Variants in STXBP5L observed in about 807,000 individuals in gnomAD.
STXBP5L encodes syntaxin binding protein 5L.
A neutral mutation model predicts 144.5 loss-of-function variants in STXBP5L; 65 were observed. The ratio of observed to expected loss-of-function variants is 0.45; its 90% CI spans 0.37 to 0.55. The LOEUF (loss-of-function observed/expected upper bound fraction) is 0.55, where lower values mean the gene tolerates loss of function less well. STXBP5L is among the 20% of genes least tolerant of loss of function. The probability of loss-of-function intolerance (pLI) is 0.00; values close to 1 mark genes in which losing one functional copy is unlikely to be tolerated. For synonymous variants in STXBP5L, 505 were observed against 469.6 expected (o/e 1.08, Z -0.97); for missense variants, 1,298 against 1,405.5 (o/e 0.92, Z 1.22).
intron 7 of STXBP5L, among the ~76,000 whole-genome samples, chr3:121,141,608 G>C (rs544651594): frequency 6.6e-6 from 1 of 152,230 alleles, no homozygotes; most frequent in Non-Finnish European, 1.5e-5. Flanking sequence ...ATAAGTAGAT[G>C]AAAATTGTGA....
intron 1 of STXBP5L, 45 bp from the exon 2 acceptor site, chr3:120,909,526 G>A: frequency 6.4e-7 from 1 of 1,553,044 alleles, no homozygotes. Flanking sequence ...AATTGCACGT[G>A]TTAAGTCACC....
At chr3:120,961,923 T>C (rs1383913867) in intron 3 of STXBP5L, among the ~76,000 whole-genome samples, 2 of 152,204 alleles carry the variant, frequency 1.3e-5, no homozygotes, top group Non-Finnish European at 2.9e-5. Flanking sequence ...CTCCACATCC[T>C]CCCCAACATC....
chr3:121,002,824 C>T (rs565440726), intron 3 of STXBP5L, among the ~76,000 whole-genome samples: 16 of 150,938 alleles, frequency 1.1e-4, no homozygotes, highest in East Asian at 3.9e-4. Flanking sequence ...TTTGTCCTTG[C>T]GATAGTTTGC....
intron 22 of STXBP5L, among the ~76,000 whole-genome samples, chr3:121,391,087 T>G (rs922919886): frequency 2.6e-5 from 4 of 152,210 alleles, no homozygotes; most frequent in Non-Finnish European, 5.9e-5. Context: ...CATTTCTTTT[T>G]ACTTTTCTTT....
chr3:121,239,750 C>G (rs926281253), intron 13 of STXBP5L, among the ~76,000 whole-genome samples: 1 of 150,078 alleles, frequency 6.7e-6, no homozygotes, highest in African/African-American at 2.4e-5. Context: ...GGAGATATAC[C>G]TAATGCTAGA....
chr3:120,974,856 T>C (rs1279322104), intron 3 of STXBP5L, among the ~76,000 whole-genome samples: 8 of 152,162 alleles, frequency 5.3e-5, no homozygotes, highest in Admixed American at 1.3e-4. Flanking sequence ...TAGTTGTAGA[T>C]ATGCGGTGTT....
At chr3:121,053,782 A>G (rs1948222544) in intron 5 of STXBP5L, among the ~76,000 whole-genome samples, 1 of 152,172 alleles carries the variant, frequency 6.6e-6, no homozygotes, top group African/African-American at 2.4e-5. Flanking sequence ...AAAAGAAACT[A>G]CCATCAGAGT....
chr3:120,950,653 G>A (rs977536659), intron 2 of STXBP5L, among the ~76,000 whole-genome samples: 9 of 152,142 alleles, frequency 5.9e-5, no homozygotes, highest in Non-Finnish European at 1.0e-4. Context: ...TGAAATAAAA[G>A]AGGATACAAA....
At chr3:121,069,403 A>G (rs2041702097) in intron 5 of STXBP5L, among the ~76,000 whole-genome samples, 1 of 152,068 alleles carries the variant, frequency 6.6e-6, no homozygotes, top group Non-Finnish European at 1.5e-5. Context: ...ATTGAAGGAT[A>G]TCTAGATTGT....
chr3:121,147,196 G>T (rs1031686658), intron 7 of STXBP5L, among the ~76,000 whole-genome samples: 3 of 152,040 alleles, frequency 2.0e-5, no homozygotes, highest in Non-Finnish European at 4.4e-5. Flanking sequence ...TGCCAAAGTT[G>T]TATATTTGCT....
intron 3 of STXBP5L, among the ~76,000 whole-genome samples, chr3:120,984,040 C>T (rs560578322): frequency 2.0e-5 from 3 of 152,152 alleles, no homozygotes; most frequent in Non-Finnish European, 2.9e-5. Context: ...GCATCCTGCT[C>T]TTTGTTCCTA....
At chr3:121,259,498 C>G (rs150312092) in intron 18 of STXBP5L, among the ~76,000 whole-genome samples, 149 of 151,972 alleles carry the variant, frequency 9.8e-4, no homozygotes, top group African/African-American at 3.5e-3. Flanking sequence ...CTTTAGAGTT[C>G]ACTAACTCCC....
At chr3:120,959,861 T>C (rs979330550) in intron 3 of STXBP5L, among the ~76,000 whole-genome samples, 1 of 152,154 alleles carries the variant, frequency 6.6e-6, no homozygotes, top group African/African-American at 2.4e-5. Context: ...ACTTCATGAC[T>C]AAAACACCAA....
At chr3:120,930,134 A>G (rs1313925398) in intron 2 of STXBP5L, among the ~76,000 whole-genome samples, 1 of 143,838 alleles carries the variant, frequency 7.0e-6, no homozygotes, top group African/African-American at 2.6e-5. Flanking sequence ...ATCCTCTACA[A>G]TCCAGAGTTT....
intron 3 of STXBP5L, among the ~76,000 whole-genome samples, chr3:120,978,848 G>T (rs1214977238): frequency 1.3e-5 from 2 of 152,204 alleles, no homozygotes; most frequent in Non-Finnish European, 2.9e-5. Flanking sequence ...AGCGGTGGCT[G>T]CAGAACAGCA....
chr3:121,053,713 A>G (rs1181417205), intron 5 of STXBP5L, among the ~76,000 whole-genome samples: 4 of 151,848 alleles, frequency 2.6e-5, no homozygotes, highest in African/African-American at 9.7e-5. Context: ...AAAAGCAATG[A>G]CAACAAAAGC....
intron 18 of STXBP5L, among the ~76,000 whole-genome samples, chr3:121,267,433 CA>C (rs1253808872): frequency 1.3e-5 from 2 of 152,108 alleles, no homozygotes; most frequent in African/African-American, 4.8e-5. Context: ...AAGACTTAAA[CA>C]TAAGACCTGA....
rs528243159 is a variant in STXBP5L at position 121,206,720 on chromosome 3, A to G, written c.956+719A>G. ...TCCCAGCTACTTGGGAGGCTGAGGC[A>G]CAAGAATCCTTTGAGCCCAGGAGGT... On this transcript the variant is annotated intron_variant, in intron 10 of 26. Transcript: ENST00000471454. Among the ~76,000 whole-genome samples the G allele has an allele frequency of 5.9e-5, 9 of 152,266 alleles. No individual in the cohort carries two copies. In the South Asian group the frequency reaches 1.5e-3, roughly 25 times the overall value.
intron 3 of STXBP5L, among the ~76,000 whole-genome samples, chr3:120,997,335 G>A (rs1319086553): frequency 1.3e-5 from 2 of 152,112 alleles, no homozygotes; most frequent in Non-Finnish European, 1.5e-5. Flanking sequence ...TTGAATGATA[G>A]TTCTGTTTTA....
Sources: gnomAD v4.1 joint callset for allele counts (sites outside exome capture counted in the v4.1 genomes callset) on GRCh38, gnomAD v4.1.1 for gene constraint, MANE v1.5 for transcripts, NCBI Gene and HGNC (gene_info 2026-07-23, HGNC 2026-07-21) for gene names.